The following ARL10 variants were observed in gnomAD, a reference collection of about 807,000 sequenced individuals.
The protein encoded by ARL10 is ARF like GTPase 10.
A neutral mutation model predicts 26.1 loss-of-function variants in ARL10; 23 were observed. The observed-to-expected ratio is 0.88, with a 90% CI of 0.63 to 1.25. The LOEUF is 1.25. Among genes scored for constraint, ARL10 ranks in the 50% most tolerant of loss-of-function variants. The pLI is 0.00. For synonymous variants in ARL10, 138 were observed against 149.1 expected (o/e 0.93, Z 0.54); for missense variants, 300 against 323.6 (o/e 0.93, Z 0.56).
chr5:176,405,535 A>C (rs539458978), downstream of ARL10: 3 of 152,336 alleles, frequency 2.0e-5, no homozygotes, highest in Non-Finnish European at 2.9e-5. Flanking sequence ...AAGAAAAAAA[A>C]GAGAGCTCTT....
intron 1 of ARL10, among the ~76,000 whole-genome samples, chr5:176,400,896 G>A (rs1388420495): frequency 6.6e-6 from 1 of 152,210 alleles, no homozygotes. Flanking sequence ...TCAAGGAGGA[G>A]CTCTGGGAGA....
At chr5:176,391,711 G>A (rs564761438), downstream of ARL10, among the ~76,000 whole-genome samples, 11 of 152,334 alleles carry the variant, frequency 7.2e-5, no homozygotes, top group East Asian at 1.2e-3. Flanking sequence ...GGGGTGATGC[G>A]TCTGCCAGCT....
At chr5:176,406,054 A>G, downstream of ARL10, 1 of 687,496 alleles carries the variant, frequency 1.5e-6, no homozygotes, top group African/African-American at 1.9e-5. Context: ...GTCACCACTC[A>G]TTATTTCCGG....
At position 176,374,557 on chromosome 5, in the gene ARL10, A is replaced by C. The variant is rs1422413550; in HGVS notation, c.*2662A>C. On this transcript the variant is annotated 3_prime_UTR_variant, in exon 4 of 4. Transcript: ENST00000310389. ...CCCTTAATATGAGTCTCCACAAACC[A>C]AACTGATTGGAATCAAACAACTCAA... 1 of 152,236 alleles carries C rather than the reference A, an allele frequency of 6.6e-6. No homozygotes were observed. The highest frequency in any genetic ancestry group is 6.5e-5 in the Admixed American group (1 of 15,278). The allele number at this position is 152,236 out of a possible 1,614,324, so 9.4% of individuals were successfully genotyped here.
chr5:176,385,772 G>A (rs1332912140), downstream of ARL10, among the ~76,000 whole-genome samples: 2 of 152,162 alleles, frequency 1.3e-5, no homozygotes, highest in African/African-American at 4.8e-5. Flanking sequence ...GAGATCTAGA[G>A]CTGCCGGGTC....
Position 176,368,969 on chromosome 5 carries a change from T to C in ARL10, c.548T>C (p.Val183Ala). Residue 183 changes from valine (V) to alanine (A), a missense_variant, in exon 3 of 4, where the codon GTG becomes GCG. Coordinates refer to ENST00000310389, the MANE Select transcript of ARL10 (RefSeq NM_173664.6). This position sits in a 1 kb window ranked among gnomAD's most constrained non-coding sequence, Gnocchi z 4.1. ...DKDPDLPVVV[V>A]ANKQDLSEAM... The stretch of plus-strand genomic sequence containing the variant: ...GACCCTGACCTGCCTGTCGTCGTGG[T>C]GGCCAACAAGCAGGTGAGGGCTGTG... The C allele has an allele frequency of 6.2e-7, 1 of 1,613,818 alleles. No individual in the cohort carries two copies. Among genetic ancestry groups the C allele is most frequent in the East Asian group, 2.2e-5 (1 of 44,858 alleles).
At chr5:176,396,441 T>G (rs1199482832) in intron 1 of ARL10, 3 of 1,575,876 alleles carry the variant, frequency 1.9e-6, no homozygotes, top group Non-Finnish European at 2.6e-6. Context: ...CCATTCCCTC[T>G]CTAGCTCCCC....
Position 176,401,610 on chromosome 5 carries a change from G to A in ARL10, c.134-131G>A, listed in dbSNP as rs773800042. On this transcript the variant is annotated intron_variant, in intron 1 of 1. Coordinates refer to the ARL10 transcript ENST00000514533. ...TTTAGGGTGACATCCACATGGCATC[G>A]AGACCTCAGCCTTTAGGTCTATCAG... 252 of 400,314 alleles carry A rather than the reference G, an allele frequency of 6.3e-4. 1 individual carries two copies. The highest frequency in any genetic ancestry group is 1.1e-3 in the Non-Finnish European group (217 of 197,870). 24.8% of individuals were successfully genotyped at this position (400,314 alleles called of 1,614,324 possible).
In ARL10 at chr5:176,365,495, C is replaced by T. The variant is rs1449778395; in HGVS notation, c.-69C>T. ...GTGGGCGCGGCCGCAGCAGTCGCAGCGGGGCCATCTTCGGCGGGCGAGTGG... is the reference window on the plus strand; with the variant it reads ...GTGGGCGCGGCCGCAGCAGTCGCAGTGGGGCCATCTTCGGCGGGCGAGTGG... On this transcript the variant is annotated 5_prime_UTR_variant, in exon 1 of 4. Coordinates refer to ENST00000310389, the MANE Select transcript of ARL10 (RefSeq NM_173664.6). The T allele has an allele frequency of 1.4e-5, 16 of 1,147,094 alleles. No homozygotes were observed. Among genetic ancestry groups the T allele is most frequent in the African/African-American group, 1.6e-5 (1 of 62,174 alleles). The allele number at this position is 1,147,094 out of a possible 1,614,324, so 71.1% of individuals were successfully genotyped here.
chr5:176,396,564 TG>T lies in ARL10; in HGVS notation c.134-5172del, dbSNP rs375585817. ...GGAAAGGTTGAGGGAAGGGGTTAGG[TG>T]GGGGAAGGCAGATGGCAAGACAGAC... On this transcript the variant is annotated intron_variant, in intron 1 of 1. Transcript: ENST00000514533. 1.0e-3 allele frequency: 1,574 copies of T among 1,581,672 alleles called. 10 individuals carry two copies. The African/African-American group carries it at 0.019, about 19-fold the overall frequency.
the ARL10 span, among the ~76,000 whole-genome samples, chr5:176,412,581 G>C: frequency 6.6e-6 from 1 of 152,218 alleles, no homozygotes; most frequent in African/African-American, 2.4e-5. Context: ...TGGACAAATA[G>C]CCCTTCACCA....
chr5:176,412,131 C>A, the ARL10 span, among the ~76,000 whole-genome samples: 41 of 148,992 alleles, frequency 2.8e-4, no homozygotes, highest in Middle Eastern at 3.4e-3. Flanking sequence ...AGCCGAGATC[C>A]CGCCACTGCA....
In ARL10 at chr5:176,398,503, G is replaced by C. The variant is rs59074498; in HGVS notation, c.134-3238G>C. Among the ~76,000 whole-genome samples the C allele has an allele frequency of 1.0e-2, 1,514 of 152,158 alleles. 18 individuals carry two copies. Among genetic ancestry groups the C allele is most frequent in the African/African-American group, 0.034 (1,417 of 41,504 alleles). ...GAGGCGGCAAATCACCTGAGGTTGG[G>C]AGTTCAAGACCAGCCTGACCAACAT... On this transcript the variant is annotated intron_variant, in intron 1 of 1. Coordinates refer to the ARL10 transcript ENST00000514533.
chr5:176,368,822 AC>A lies in ARL10; in HGVS notation c.403del (p.Leu135CysfsTer9). On this transcript the variant is annotated frameshift_variant, in exon 3 of 4. Coordinates refer to ENST00000310389, the MANE Select transcript of ARL10 (RefSeq NM_173664.6). LOFTEE classifies it high-confidence loss of function. The surrounding 1 kb of genome is among the most constrained non-coding windows in gnomAD (Gnocchi z 4.1). ...VDLLEIGGSQ[N>X]LRFYWKEFVS... ...CTCTCCTCAGTTGGGGGCAGCCAGA[AC>A]CTGCGCTTCTACTGGAAGGAGTTTG... 1 of 1,612,444 alleles carries A rather than the reference AC, an allele frequency of 6.2e-7. No homozygotes were observed. The highest frequency in any genetic ancestry group is 8.5e-7 in the Non-Finnish European group (1 of 1,178,944).
chr5:176,389,848 T>G (rs1756189654), downstream of ARL10: 1 of 181,900 alleles, frequency 5.5e-6, no homozygotes. Flanking sequence ...AGTCTAGTGA[T>G]TCCCGAACTT....
chr5:176,390,946 A>G (rs1235648199), downstream of ARL10, among the ~76,000 whole-genome samples: 1 of 152,196 alleles, frequency 6.6e-6, no homozygotes, highest in East Asian at 1.9e-4. Context: ...TGTAGTTTCA[A>G]ACAAGTATTC....
intron 1 of ARL10, chr5:176,388,109 G>T: frequency 1.5e-6 from 1 of 677,946 alleles, no homozygotes. Context: ...CGTTCTGACT[G>T]TGGGGAGGTC....
Position 176,365,687 on chromosome 5 carries a change from CG to C in ARL10, c.128del (p.Gly43GlufsTer85). 8.0e-7 allele frequency: 1 copy of C among 1,243,898 alleles called. No homozygotes were observed. The highest frequency in any genetic ancestry group is 3.7e-5 in the South Asian group (1 of 26,792). 77.1% of individuals were successfully genotyped at this position (1,243,898 alleles called of 1,614,324 possible). A position where few individuals can be genotyped will look rare whatever the true frequency, so the allele number is the denominator to read the frequency against. On this transcript the variant is annotated frameshift_variant, in exon 1 of 4. Transcript: ENST00000310389. LOFTEE classifies it high-confidence loss of function. ...CCGCGGCCGAGAGCGGCGCTGGGAC[CG>C]GGGAGAGGCCTGGTGGGGCGCGGAG... Reference protein sequence around the residue: ...FGRGRERRWDRGEAWWGAEAA... With the variant: ...FGRGRERRWDXGEAWWGAEAA...
chr5:176,402,754 A>T (rs1031511844), downstream of ARL10, among the ~76,000 whole-genome samples: 14 of 152,208 alleles, frequency 9.2e-5, no homozygotes, highest in African/African-American at 3.4e-4. Flanking sequence ...GTCCCTCACA[A>T]ATGAGAACCA....
Sources: gnomAD v4.1 joint callset for allele counts (sites outside exome capture counted in the v4.1 genomes callset) on GRCh38, gnomAD v4.1.1 for gene constraint, Gnocchi (gnomAD v3.1) non-coding constraint, MANE v1.5 for transcripts, NCBI Gene and HGNC (gene_info 2026-07-23, HGNC 2026-07-21) for gene names.